The following SEC22A variants were observed in gnomAD, a reference collection of about 807,000 sequenced individuals.
The protein encoded by SEC22A is vesicle-trafficking protein SEC22a.
SEC22A carries 22 observed loss-of-function variants against 35.3 expected under a neutral mutation model. The observed-to-expected ratio is 0.62, with a 90% confidence interval of 0.45 to 0.89. The LOEUF (loss-of-function observed/expected upper bound fraction) is 0.89. Ranked by LOEUF, SEC22A falls within the 40% of genes least tolerant of loss-of-function variation. The pLI is 0.00. For synonymous variants in SEC22A, 119 were observed against 129.5 expected (o/e 0.92, Z 0.55); for missense variants, 354 against 362.5 (o/e 0.98, Z 0.19).
chr3:123,228,402 T>TAAAA (rs754123559), intron 4 of SEC22A, among the ~76,000 whole-genome samples: 2 of 90,146 alleles, frequency 2.2e-5, no homozygotes, highest in African/African-American at 8.6e-5. Flanking sequence ...CCGTCTCTAC[T>TAAAA]AAAAAAAAAA....
intron 5 of SEC22A, among the ~76,000 whole-genome samples, chr3:123,257,874 C>T (rs1937774867): frequency 6.6e-6 from 1 of 151,514 alleles, no homozygotes; most frequent in Non-Finnish European, 1.5e-5. Flanking sequence ...CACCTGTAGT[C>T]CCAACTATTC....
intron 2 of SEC22A, among the ~76,000 whole-genome samples, chr3:123,221,234 G>A (rs1381819235): frequency 4.0e-5 from 6 of 151,748 alleles, no homozygotes; most frequent in African/African-American, 7.3e-5. Context: ...ACTTTGGGAG[G>A]CCAAGGTGGG....
chr3:123,265,748 C>T (rs1390447861), intron 6 of SEC22A, among the ~76,000 whole-genome samples: 1 of 152,090 alleles, frequency 6.6e-6, no homozygotes, highest in Non-Finnish European at 1.5e-5. Flanking sequence ...TAGCTTCAAC[C>T]AAGGTTCCTT....
chr3:123,220,034 G>A (rs983575322), intron 2 of SEC22A, among the ~76,000 whole-genome samples: 2 of 152,134 alleles, frequency 1.3e-5, no homozygotes, highest in Non-Finnish European at 2.9e-5. Context: ...TGCAACTGTA[G>A]TAAAATAAAG....
intron 5 of SEC22A, among the ~76,000 whole-genome samples, chr3:123,252,991 T>C (rs992400448): frequency 1.3e-5 from 2 of 152,244 alleles, no homozygotes; most frequent in African/African-American, 2.4e-5. Context: ...TATGAAGGCA[T>C]AAGCTTTTTT....
In SEC22A at chr3:123,213,451, G is replaced by C. The variant is rs192158728; in HGVS notation, c.182+4052G>C. The stretch of plus-strand genomic sequence containing the variant: ...ACCATGCTGTCCCTCTTTTCTCCTA[G>C]CCATATTAAATGCTTCTTTCCTTCA... On this transcript the variant is annotated intron_variant, in intron 2 of 6. Transcript: ENST00000492595. Among the ~76,000 whole-genome samples the C allele has an allele frequency of 3.1e-3, 474 of 152,184 alleles. 1 individual carries two copies. The highest frequency in any genetic ancestry group is 6.8e-3 in the Middle Eastern group (2 of 294).
rs560604693 is a variant in SEC22A, at chr3:123,239,231, A to G, written c.542-6668A>G. ...AAAGGGAGCACACAAGGATGTACCA[A>G]TGTGGGTCAGGAGGCAGAGGGAGCA... On this transcript the variant is annotated intron_variant, in intron 4 of 6. Transcript: ENST00000492595. Among the ~76,000 whole-genome samples, 14 of 152,316 alleles carry G rather than the reference A, an allele frequency of 9.2e-5. 1 individual carries two copies. In the South Asian group the frequency reaches 2.9e-3, roughly 32 times the overall value.
At position 123,203,053 on chromosome 3, in the gene SEC22A, CTTTTTTTTTTTTTTTTT is replaced by C. The variant is rs779433710; in HGVS notation, c.-20+1085_-20+1101del. Among the ~76,000 whole-genome samples the C allele has an allele frequency of 9.4e-3, 412 of 43,878 alleles. 6 individuals are homozygous for C. The highest frequency in any genetic ancestry group is 0.039 in the African/African-American group (367 of 9,472). 28.8% of individuals were successfully genotyped at this position (43,878 alleles called of 152,430 possible). A position where few individuals can be genotyped will look rare whatever the true frequency, so the allele number is the denominator to read the frequency against. ...GAAAACCATCACATCTGTTTAGTGC[CTTTTTTTTTTTTTTTTT>C]TTTTTTTTTTTTTTTTTGCGTGCAA... On this transcript the variant is annotated intron_variant, in intron 1 of 6. Coordinates refer to ENST00000492595, the MANE Select transcript of SEC22A (RefSeq NM_012430.5).
At chr3:123,230,309 A>T (rs780029709) in intron 4 of SEC22A, among the ~76,000 whole-genome samples, 5 of 152,214 alleles carry the variant, frequency 3.3e-5, no homozygotes, top group Non-Finnish European at 5.9e-5. Context: ...TTGTACTGGG[A>T]TAAGGAAATT....
intron 6 of SEC22A, among the ~76,000 whole-genome samples, chr3:123,269,181 G>A (rs577896686): frequency 9.1e-5 from 7 of 76,658 alleles, no homozygotes; most frequent in Non-Finnish European, 1.1e-4. Flanking sequence ...TTAAATATAT[G>A]TGTGTGTGTG....
At chr3:123,202,621 G>GA (rs1936768760) in intron 1 of SEC22A, among the ~76,000 whole-genome samples, 2 of 152,124 alleles carry the variant, frequency 1.3e-5, no homozygotes, top group South Asian at 4.1e-4. Flanking sequence ...GCTTCCAAAA[G>GA]AAAAGGACAA....
intron 5 of SEC22A, among the ~76,000 whole-genome samples, chr3:123,256,003 T>C (rs1937723001): frequency 6.6e-6 from 1 of 152,122 alleles, no homozygotes; most frequent in South Asian, 2.1e-4. Flanking sequence ...ATTCAATATG[T>C]ATGTCTTAAG....
chr3:123,205,211 G>A (rs1231222268), intron 1 of SEC22A, among the ~76,000 whole-genome samples: 1 of 152,164 alleles, frequency 6.6e-6, no homozygotes, highest in Non-Finnish European at 1.5e-5. Context: ...CCGTTTGTCA[G>A]GCTTAAATTC....
At position 123,225,156 on chromosome 3, in the gene SEC22A, A is replaced by G; in HGVS notation, c.400A>G (p.Thr134Ala). 1.2e-6 allele frequency: 2 copies of G among 1,613,642 alleles called. No individual in the cohort carries two copies. The highest frequency in any genetic ancestry group is 1.7e-6 in the Non-Finnish European group (2 of 1,179,658). Residue 134 changes from threonine to alanine, a missense_variant, in exon 4 of 7, where the codon ACA becomes GCA. By Grantham distance (58) the Thr-to-Ala change is moderately conservative. Transcript: ENST00000492595. ...ATATAATAATCCCAGGTCTCTTTCAACAAAGATAAATCTTTCTGACATGCA... is the reference window on the plus strand; with the variant it reads ...ATATAATAATCCCAGGTCTCTTTCAGCAAAGATAAATCTTTCTGACATGCA... ...QRYNNPRSLS[T>A]KINLSDMQTE...
chr3:123,256,106 A>G (rs544924819), intron 5 of SEC22A, among the ~76,000 whole-genome samples: 1 of 152,282 alleles, frequency 6.6e-6, no homozygotes, highest in East Asian at 1.9e-4. Context: ...ATCTGTATTC[A>G]AATTTCCATA....
intron 1 of SEC22A, among the ~76,000 whole-genome samples, chr3:123,205,455 G>A (rs1199880742): frequency 3.3e-5 from 5 of 152,128 alleles, no homozygotes; most frequent in African/African-American, 7.2e-5. Context: ...TTGTGAGGCC[G>A]ACGCAGGTGG....
At chr3:123,213,223 G>A in intron 2 of SEC22A, among the ~76,000 whole-genome samples, 1 of 152,276 alleles carries the variant, frequency 6.6e-6, no homozygotes, top group Non-Finnish European at 1.5e-5. Flanking sequence ...ATTGATAAGA[G>A]ATCTTGTGGT....
chr3:123,260,827 G>T (rs1443945347), intron 6 of SEC22A, among the ~76,000 whole-genome samples: 2 of 145,762 alleles, frequency 1.4e-5, no homozygotes, highest in African/African-American at 2.5e-5. Context: ...AAAATCACTT[G>T]ATTTTCTTTT....
At chr3:123,265,791 A>G (rs1938011132) in intron 6 of SEC22A, among the ~76,000 whole-genome samples, 1 of 152,186 alleles carries the variant, frequency 6.6e-6, no homozygotes. Flanking sequence ...TCCATGGCAA[A>G]GGCGATTTTT....
Sources: gnomAD v4.1 joint callset for allele counts (sites outside exome capture counted in the v4.1 genomes callset) on GRCh38, gnomAD v4.1.1 for gene constraint, MANE v1.5 for transcripts, NCBI Gene and HGNC (gene_info 2026-07-23, HGNC 2026-07-21) for gene names.